The following DOCK3 variants were observed in gnomAD, a reference collection of about 807,000 sequenced individuals.
DOCK3 encodes the protein dedicator of cytokinesis 3, also known as dedicator of cytokinesis protein 3.
In DOCK3, 60 loss-of-function variants were observed where a neutral mutation model predicts 265.6. The ratio of observed to expected loss-of-function variants is 0.23; its 90% confidence interval spans 0.18 to 0.28. DOCK3 has a LOEUF of 0.28. Among genes scored for constraint, DOCK3 ranks in the 10% least tolerant of loss-of-function variants. DOCK3 has a pLI of 1.00. For missense variants in DOCK3, 1,981 were observed against 2,594.3 expected (o/e 0.76, Z 5.14); for synonymous variants, 881 against 938.0 (o/e 0.94, Z 1.11).
At chr3:51,155,100 C>T (rs2085784820) in intron 10 of DOCK3, among the ~76,000 whole-genome samples, 1 of 152,038 alleles carries the variant, frequency 6.6e-6, no homozygotes, top group Non-Finnish European at 1.5e-5. Flanking sequence ...CTGCCTCGGT[C>T]TCCTGAGTAG....
intron 19 of DOCK3, among the ~76,000 whole-genome samples, chr3:51,235,810 C>T (rs2078327987): frequency 6.6e-6 from 1 of 152,144 alleles, no homozygotes; most frequent in African/African-American, 2.4e-5. Flanking sequence ...ATTGACAGCC[C>T]TCATTGACTG....
chr3:50,716,699 A>G (rs1311493866), intron 1 of DOCK3, among the ~76,000 whole-genome samples: 1 of 151,544 alleles, frequency 6.6e-6, no homozygotes, highest in Non-Finnish European at 1.5e-5. Context: ...TTTTATTTGT[A>G]GTTGATCTTT....
chr3:50,863,626 T>C lies in DOCK3; in HGVS notation c.162+21911T>C, dbSNP rs13314257. 2.8e-3 allele frequency among the ~76,000 whole-genome samples: 426 copies of C among 152,318 alleles called. 3 individuals carry two copies. Among genetic ancestry groups the C allele is most frequent in the African/African-American group, 9.8e-3 (408 of 41,572 alleles). On this transcript the variant is annotated intron_variant, in intron 3 of 52. Transcript: ENST00000266037. Reference sequence around the variant, plus strand: ...TGGCTACTTTTTCTCAGTTTTTCTTTTGGGATTTGTCCGTTCACCAGTAAC... The same window carrying C: ...TGGCTACTTTTTCTCAGTTTTTCTTCTGGGATTTGTCCGTTCACCAGTAAC...
intron 1 of DOCK3, among the ~76,000 whole-genome samples, chr3:50,690,160 G>C (rs978519010): frequency 8.7e-5 from 13 of 149,892 alleles, no homozygotes; most frequent in African/African-American, 2.7e-4. Flanking sequence ...TGGAGACAAG[G>C]TCTTGCTCTC....
chr3:50,840,711 G>A (rs2045781748), intron 2 of DOCK3, among the ~76,000 whole-genome samples: 1 of 152,116 alleles, frequency 6.6e-6, no homozygotes, highest in African/African-American at 2.4e-5. Context: ...TTAAAATACT[G>A]TAAAGTGTCA....
intron 5 of DOCK3, among the ~76,000 whole-genome samples, chr3:51,035,318 A>C (rs533154612): frequency 1.4e-4 from 22 of 152,092 alleles, no homozygotes; most frequent in Non-Finnish European, 3.1e-4. Context: ...AATTCTGTTG[A>C]TCTTTCAAGT....
chr3:50,789,585 G>A (rs564640480), intron 2 of DOCK3, among the ~76,000 whole-genome samples: 104 of 152,092 alleles, frequency 6.8e-4, no homozygotes, highest in Non-Finnish European at 1.4e-3. Context: ...ATTGAAGTCC[G>A]CCACCATTAT....
intron 5 of DOCK3, among the ~76,000 whole-genome samples, chr3:50,951,431 A>G (rs1480788272): frequency 2.6e-5 from 4 of 152,188 alleles, no homozygotes; most frequent in Non-Finnish European, 2.9e-5. Context: ...ATGAAAAACC[A>G]GTATTTTTTT....
intron 3 of DOCK3, among the ~76,000 whole-genome samples, chr3:50,878,680 T>C (rs912047827): frequency 2.0e-5 from 3 of 152,080 alleles, no homozygotes; most frequent in Non-Finnish European, 4.4e-5. Context: ...ACAGGGAGAA[T>C]GAAACCAAGT....
intron 51 of DOCK3, among the ~76,000 whole-genome samples, chr3:51,378,375 C>T (rs904448874): frequency 6.6e-6 from 1 of 152,202 alleles, no homozygotes; most frequent in African/African-American, 2.4e-5. Context: ...GGGCCCAGCC[C>T]CTCTGGCCAC....
chr3:50,931,100 G>T (rs1260390394), intron 4 of DOCK3, among the ~76,000 whole-genome samples: 1 of 152,158 alleles, frequency 6.6e-6, no homozygotes, highest in Non-Finnish European at 1.5e-5. Context: ...AGCCACTCCT[G>T]CTGCCACCGC....
At chr3:51,032,449 C>A (rs2080089377) in intron 5 of DOCK3, among the ~76,000 whole-genome samples, 1 of 152,016 alleles carries the variant, frequency 6.6e-6, no homozygotes, top group Admixed American at 6.6e-5. Context: ...CATTGGTATT[C>A]TTGTTTTGAA....
chr3:50,912,732 C>CCTCTGCTG, intron 4 of DOCK3, among the ~76,000 whole-genome samples: 1 of 151,954 alleles, frequency 6.6e-6, no homozygotes, highest in African/African-American at 2.4e-5. Context: ...CTGCCACAGG[C>CCTCTGCTG]CCACAGGCCC....
chr3:50,900,245 C>T (rs2049113657), intron 4 of DOCK3, among the ~76,000 whole-genome samples: 1 of 151,152 alleles, frequency 6.6e-6, no homozygotes, highest in African/African-American at 2.4e-5. Flanking sequence ...TCTCTGATAT[C>T]CTTGCTTCCA....
chr3:51,252,452 C>G (rs1484294050), intron 22 of DOCK3, among the ~76,000 whole-genome samples: 2 of 152,186 alleles, frequency 1.3e-5, no homozygotes, highest in African/African-American at 4.8e-5. Flanking sequence ...TTACCTTGGG[C>G]AGTATGGCCA....
intron 3 of DOCK3, among the ~76,000 whole-genome samples, chr3:50,857,489 T>C (rs942418712): frequency 1.3e-5 from 2 of 152,108 alleles, no homozygotes; most frequent in Non-Finnish European, 1.5e-5. Context: ...ACCATCAGAG[T>C]GAACAGGCAA....
intron 5 of DOCK3, among the ~76,000 whole-genome samples, chr3:51,049,325 C>CAGAA (rs112074555): frequency 3.1e-4 from 46 of 150,588 alleles, no homozygotes; most frequent in East Asian, 5.9e-4. Flanking sequence ...GACCGTGTCT[C>CAGAA]AGAAAGAAAG....
chr3:50,772,510 G>A (rs2041334862), intron 1 of DOCK3, among the ~76,000 whole-genome samples: 1 of 152,142 alleles, frequency 6.6e-6, no homozygotes, highest in African/African-American at 2.4e-5. Context: ...TCTTCATGAT[G>A]CACTTATTTT....
At chr3:51,256,473 A>G (rs4974093) in intron 22 of DOCK3, among the ~76,000 whole-genome samples, 138,820 of 152,180 alleles carry the variant, frequency 0.91, 63,455 homozygotes, top group African/African-American at 0.96. Flanking sequence ...GTTTCACCAT[A>G]TTGGCCAGGC....
Sources: allele counts gnomAD v4.1 joint callset (sites outside exome capture counted in the v4.1 genomes callset), GRCh38; gene constraint gnomAD v4.1.1; transcripts MANE v1.5; gene names NCBI Gene and HGNC (gene_info 2026-07-23, HGNC 2026-07-21).